NIPSNAP1: variants seen among roughly 807,000 people sequenced by gnomAD.
The protein encoded by NIPSNAP1 is nipsnap homolog 1, also known as protein NipSnap homolog 1.
A neutral mutation model predicts 49.2 loss-of-function variants in NIPSNAP1; 25 were observed. The observed-to-expected ratio is 0.51, with a 90% CI of 0.37 to 0.71. The LOEUF (loss-of-function observed/expected upper bound fraction) is 0.71. Among genes scored for constraint, NIPSNAP1 ranks in the 30% least tolerant of loss-of-function variants. The probability of loss-of-function intolerance (pLI) is 0.00; values close to 1 mark genes in which losing one functional copy is unlikely to be tolerated. For missense variants in NIPSNAP1, 294 were observed against 361.0 expected, an observed-to-expected ratio of 0.81 and a Z score of 1.50; for synonymous variants, 143 against 140.7, an observed-to-expected ratio of 1.02 and a Z score of -0.12.
intron 4 of NIPSNAP1, among the ~76,000 whole-genome samples, chr22:29,563,360 T>C (rs2064349367): frequency 6.6e-6 from 1 of 151,242 alleles, no homozygotes; most frequent in South Asian, 2.1e-4. Flanking sequence ...CGAAACCCCA[T>C]CTCTACTAAA....
chr22:29,566,862 G>C (rs1464242384), intron 4 of NIPSNAP1, among the ~76,000 whole-genome samples: 1 of 152,114 alleles, frequency 6.6e-6, no homozygotes, highest in East Asian at 1.9e-4. Flanking sequence ...AGTGGCTGAT[G>C]CCTGTAATCC....
At chr22:29,575,947 C>T (rs2064448745) in intron 1 of NIPSNAP1, among the ~76,000 whole-genome samples, 1 of 151,594 alleles carries the variant, frequency 6.6e-6, no homozygotes, top group Non-Finnish European at 1.5e-5. Flanking sequence ...CTCTTGACCT[C>T]AGGTGATCCT....
intron 4 of NIPSNAP1, among the ~76,000 whole-genome samples, chr22:29,566,016 T>G (rs1054010055): frequency 6.6e-6 from 1 of 152,198 alleles, no homozygotes; most frequent in Non-Finnish European, 1.5e-5. Flanking sequence ...GAGGACCATC[T>G]GTTATGGCTG....
rs765106450 is a variant in NIPSNAP1 at position 29,569,257 on chromosome 22, A to C, written c.303T>G (p.Asp101Glu). The C allele has an allele frequency of 1.9e-6, 3 of 1,613,986 alleles. No homozygotes were observed. In the South Asian group the frequency reaches 3.3e-5, roughly 18 times the overall value. The change falls in exon 4 of 10, where the codon GAT becomes GAG. Residue 101 changes from aspartate to glutamate, a missense_variant. Transcript: ENST00000216121. ...CCACGAGTGAGCATGGGTAGTCCTC[A>C]TCCAGGTGAAGCTTGGGCAGCACAG... Reference protein sequence around the residue: ...TEAVLPKLHLDEDYPCSLVGN... With the variant: ...TEAVLPKLHLEEDYPCSLVGN...
chr22:29,560,744 G>A lies in NIPSNAP1; in HGVS notation c.696C>T (p.His232=), dbSNP rs141510389. 79 of 1,613,928 alleles carry A rather than the reference G, an allele frequency of 4.9e-5. No homozygotes were observed. The highest frequency in any genetic ancestry group is 6.5e-5 in the Non-Finnish European group (77 of 1,179,948). Reference sequence around the variant, plus strand: ...AGGTCCTCAACCTACCCCAGAGATGGTGCACCACGTAGAGCTCTCCTATCT... The same window carrying A: ...AGGTCCTCAACCTACCCCAGAGATGATGCACCACGTAGAGCTCTCCTATCT... ...FSQIGELYVV[H]HLWAYKDLQS... The change falls in exon 8 of 10, where the codon CAC becomes CAT. Residue 232 remains histidine (H), a synonymous_variant. Transcript: ENST00000216121.
intron 4 of NIPSNAP1, 80 bp downstream of exon 4, chr22:29,569,113 G>A: frequency 2.7e-6 from 3 of 1,096,862 alleles, no homozygotes; most frequent in Admixed American, 3.8e-5. Context: ...TGGAGAGGGA[G>A]TGGAGAACAG....
intron 6 of NIPSNAP1, 95 bp downstream of exon 6, chr22:29,561,411 A>AGCC: frequency 1.9e-6 from 3 of 1,568,330 alleles, no homozygotes; most frequent in Non-Finnish European, 2.6e-6. Flanking sequence ...GGGAGGGAGA[A>AGCC]GCCAGAAGCC....
Position 29,570,202 on chromosome 22 carries a change from T to C in NIPSNAP1, c.232A>G (p.Asn78Asp), listed in dbSNP as rs748522037. ...TSNLYKIQFH[N>D]VKPEYLDAYN... ...GCATCCAGGTATTCAGGCTTTACAT[T>C]GTGAACTGCAACAGAGGACAGAGAA... Residue 78 changes from asparagine (N) to aspartate (D), a missense_variant, in exon 3 of 10, where the codon AAT (asparagine) becomes GAT (aspartate). Transcript: ENST00000216121. 2.5e-6 allele frequency: 4 copies of C among 1,613,860 alleles called. No individual in the cohort carries two copies. Among genetic ancestry groups the C allele is most frequent in the Non-Finnish European group, 3.4e-6 (4 of 1,179,988 alleles).
Position 29,555,842 on chromosome 22 carries a change from C to T in NIPSNAP1, c.*93G>A. On this transcript the variant is annotated 3_prime_UTR_variant, in exon 10 of 10. Transcript: ENST00000216121. Reference sequence around the variant, plus strand: ...ACTGCCCCTCAGAGTCCTCCCAGAGCCAAGACAAAACCAAGACAGCAGGAC... The same window carrying T: ...ACTGCCCCTCAGAGTCCTCCCAGAGTCAAGACAAAACCAAGACAGCAGGAC... 4 of 1,206,192 alleles carry T rather than the reference C, an allele frequency of 3.3e-6. No individual in the cohort carries two copies. The highest frequency in any genetic ancestry group is 1.3e-5 in the South Asian group (1 of 76,950). The allele number at this position is 1,206,192 out of a possible 1,614,324, so 74.7% of individuals were successfully genotyped here.
Position 29,581,111 on chromosome 22 carries a change from C to A in NIPSNAP1, c.-29G>T. On this transcript the variant is annotated 5_prime_UTR_variant, in exon 1 of 10. Transcript: ENST00000216121. ...GGAGCCGCAAAGGTTGCAGGAAGGC[C>A]CCGCCCCCAAGCCCTGGTGGCGGAG... The A allele has an allele frequency of 6.5e-7, 1 of 1,535,642 alleles. No individual in the cohort carries two copies. The highest frequency in any genetic ancestry group is 8.8e-7 in the Non-Finnish European group (1 of 1,142,626).
At chr22:29,569,323 T>C (rs369353591) in intron 3 of NIPSNAP1, 36 bp from the exon 4 acceptor site, 1 of 1,508,734 alleles carries the variant, frequency 6.6e-7, no homozygotes, top group Non-Finnish European at 9.2e-7. Context: ...AGGGTTCACA[T>C]AGCCACCAGG....
chr22:29,573,864 AG>A (rs1271515917), intron 1 of NIPSNAP1, among the ~76,000 whole-genome samples: 2 of 151,742 alleles, frequency 1.3e-5, no homozygotes, highest in Non-Finnish European at 2.9e-5. Flanking sequence ...GCTTGAACCC[AG>A]GAGGCGTAGG....
chr22:29,580,238 T>G, intron 1 of NIPSNAP1: 6 of 1,299,386 alleles, frequency 4.6e-6, no homozygotes, highest in Non-Finnish European at 6.1e-6. Flanking sequence ...GGGTCATATA[T>G]GCAGAGATGG....
chr22:29,563,885 G>T (rs77229597), intron 4 of NIPSNAP1, among the ~76,000 whole-genome samples: 1 of 152,124 alleles, frequency 6.6e-6, no homozygotes, highest in African/African-American at 2.4e-5. Flanking sequence ...GGCAAGGAAG[G>T]GTTCTCCCCT....
In NIPSNAP1 at chr22:29,559,922, T is replaced by C. The variant is rs550943925; in HGVS notation, c.706+812A>G. On this transcript the variant is annotated intron_variant, in intron 8 of 9. Transcript: ENST00000216121. ...CAAAAATCAGGTCGTGTCACTGCTA[T>C]TTGAAACAAATAGTCTCTCATTGCA... Among the ~76,000 whole-genome samples, 11 of 152,348 alleles carry C rather than the reference T, an allele frequency of 7.2e-5. No homozygotes were observed. In the South Asian group the frequency reaches 2.3e-3, roughly 32 times the overall value.
At chr22:29,557,642 G>A (rs1323579755) in intron 9 of NIPSNAP1, among the ~76,000 whole-genome samples, 2 of 152,068 alleles carry the variant, frequency 1.3e-5, no homozygotes, top group Non-Finnish European at 2.9e-5. Context: ...TGTTGCCCAG[G>A]CTGGTCTTAA....
In NIPSNAP1 at chr22:29,560,651, C is replaced by T; in HGVS notation, c.706+83G>A. On this transcript the variant is annotated intron_variant, in intron 8 of 9. Coordinates refer to ENST00000216121, the MANE Select transcript of NIPSNAP1 (RefSeq NM_003634.4). ...GCTAGAACATTAAGTTCTATGAGGA[C>T]ACTAATACAACCCCATTGGCTACAG... The T allele has an allele frequency of 6.7e-6, 7 of 1,047,778 alleles. No individual in the cohort carries two copies. The South Asian group carries it at 7.5e-5, about 11-fold the overall frequency. The allele number at this position is 1,047,778 out of a possible 1,614,324, so 64.9% of individuals were successfully genotyped here. A position where few individuals can be genotyped will look rare whatever the true frequency, so the allele number is the denominator to read the frequency against.
chr22:29,581,050 C>T lies in NIPSNAP1; in HGVS notation c.33G>A (p.Thr11=), dbSNP rs1453479378. Residue 11 remains threonine (T), a synonymous_variant, in exon 1 of 10, where the codon ACG becomes ACA. Transcript: ENST00000216121. ...CCGGGCCCCCCAGCAGCCGCCGCGCCGTCACAGAGATGCTGCACAGCCGCG... is the reference window on the plus strand; with the variant it reads ...CCGGGCCCCCCAGCAGCCGCCGCGCTGTCACAGAGATGCTGCACAGCCGCG... The part of the protein sequence containing the change: MAPRLCSISV[T]ARRLLGGPGP... 12 of 1,540,020 alleles carry T rather than the reference C, an allele frequency of 7.8e-6. No homozygotes were observed. Among genetic ancestry groups the T allele is most frequent in the African/African-American group, 2.8e-5 (2 of 72,672 alleles).
At position 29,556,079 on chromosome 22, in the gene NIPSNAP1, G is replaced by C. The variant is rs947204307; in HGVS notation, c.791-80C>G. On this transcript the variant is annotated intron_variant, in intron 9 of 9. Coordinates refer to ENST00000216121, the MANE Select transcript of NIPSNAP1 (RefSeq NM_003634.4). ...CCCCTGGCCCCACCCACACATGCTG[G>C]CCTTTGAGTGGGCAGGAGGAGGCCC... The C allele has an allele frequency of 1.1e-5, 14 of 1,247,758 alleles. No homozygotes were observed. In the African/African-American group the frequency reaches 2.1e-4, roughly 19 times the overall value. The allele number at this position is 1,247,758 out of a possible 1,614,324, so 77.3% of individuals were successfully genotyped here. A position where few individuals can be genotyped will look rare whatever the true frequency, so the allele number is the denominator to read the frequency against.
Sources: allele counts gnomAD v4.1 joint callset (sites outside exome capture counted in the v4.1 genomes callset), GRCh38; gene constraint gnomAD v4.1.1; transcripts MANE v1.5; gene names NCBI Gene and HGNC (gene_info 2026-07-23, HGNC 2026-07-21).